Variants in NIPA2 observed in about 807,000 individuals in gnomAD.
NIPA2 encodes the protein magnesium transporter NIPA2.
Under a neutral mutation model 29.7 loss-of-function variants are expected in NIPA2, and 11 were observed. The ratio of observed to expected loss-of-function variants is 0.37; its 90% CI spans 0.23 to 0.61. The LOEUF (loss-of-function observed/expected upper bound fraction) is 0.61. Among genes scored for constraint, NIPA2 ranks in the 20% least tolerant of loss-of-function variants. The pLI is 0.66. For missense variants in NIPA2, 426 were observed against 437.9 expected (o/e 0.97, Z 0.24); for synonymous variants, 183 against 161.9 (o/e 1.13, Z -0.99).
chr15:22,858,664 C>A, intron 6 of NIPA2, 34 bp downstream of exon 6: 2 of 1,303,044 alleles, frequency 1.5e-6, no homozygotes, highest in South Asian at 1.4e-5. Context: ...AAACAGTAGT[C>A]GGTATCTTAG....
chr15:22,864,846 C>T (rs555457278), intron 7 of NIPA2, among the ~76,000 whole-genome samples: 2 of 145,884 alleles, frequency 1.4e-5, no homozygotes, highest in East Asian at 2.3e-4. Flanking sequence ...TTCTGACTTA[C>T]GAAGGATTGT....
At position 22,866,987 on chromosome 15, in the gene NIPA2, A is replaced by AAAT. The variant is rs2141705371; in HGVS notation, c.*141_*143dup. The AAAT allele has an allele frequency of 1.2e-6, 1 of 802,066 alleles. No individual in the cohort carries two copies. The highest frequency in any genetic ancestry group is 1.7e-5 in the African/African-American group (1 of 57,798). 49.7% of individuals were successfully genotyped at this position (802,066 alleles called of 1,614,324 possible). A position where few individuals can be genotyped will look rare whatever the true frequency, so the allele number is the denominator to read the frequency against. The stretch of plus-strand genomic sequence containing the variant: ...AAAGATTTCACTAATTTGGACCAAG[A>AAAT]AATTACTTTTCTTGTATTTAAACAA... On this transcript the variant is annotated 3_prime_UTR_variant, in exon 8 of 8. Coordinates refer to ENST00000337451, the MANE Select transcript of NIPA2 (RefSeq NM_030922.7).
intron 2 of NIPA2, among the ~76,000 whole-genome samples, chr15:22,841,553 G>A (rs1566811656): frequency 6.6e-6 from 1 of 152,084 alleles, no homozygotes. Flanking sequence ...TTGTTGCCCA[G>A]GCTAGAGTGC....
chr15:22,845,600 G>T (rs193080582), intron 3 of NIPA2, among the ~76,000 whole-genome samples: 1 of 152,312 alleles, frequency 6.6e-6, no homozygotes, highest in Non-Finnish European at 1.5e-5. Context: ...GAAAATGCCT[G>T]TGGGCTGGAG....
At chr15:22,857,742 CAGG>C (rs2141374948) in intron 5 of NIPA2, among the ~76,000 whole-genome samples, 1 of 146,252 alleles carries the variant, frequency 6.8e-6, no homozygotes, top group East Asian at 2.1e-4. Context: ...GAGGCCGAGG[CAGG>C]AGAATTGCTT....
rs1383818941 is a variant in NIPA2 at position 22,867,314 on chromosome 15, A to ATGAT, written c.*470_*473dup. 2.0e-5 allele frequency: 8 copies of ATGAT among 397,864 alleles called. No homozygotes were observed. Among genetic ancestry groups the ATGAT allele is most frequent in the South Asian group, 1.3e-4 (1 of 7,836 alleles). The allele number at this position is 397,864 out of a possible 1,614,324, so 24.6% of individuals were successfully genotyped here. A position where few individuals can be genotyped will look rare whatever the true frequency, so the allele number is the denominator to read the frequency against. ...AAAAGTGGCTCCTGTTTGTTTGATG[A>ATGAT]TGATTGGTTTTATTTTTGAAATATT... On this transcript the variant is annotated 3_prime_UTR_variant, in exon 8 of 8. Coordinates refer to ENST00000337451, the MANE Select transcript of NIPA2 (RefSeq NM_030922.7).
At chr15:22,866,113 T>TA (rs2059044710) in intron 7 of NIPA2, 100 bp from the exon 8 acceptor site, 3 of 972,202 alleles carry the variant, frequency 3.1e-6, no homozygotes, top group East Asian at 2.6e-5. Flanking sequence ...TTCCAGGCCA[T>TA]ACCTTTTCTC....
rs1896502526 is a variant in NIPA2, at chr15:22,839,724, A to G, written c.-282A>G. Reference sequence around the variant, plus strand: ...AGGGTGGTATTTACGAGGAAATGAGAGTGAATAAGTCATCTCTAACCTCTC... The same window carrying G: ...AGGGTGGTATTTACGAGGAAATGAGGGTGAATAAGTCATCTCTAACCTCTC... On this transcript the variant is annotated 5_prime_UTR_variant, in exon 2 of 8. Transcript: ENST00000337451. The G allele has an allele frequency of 6.6e-6, 1 of 152,196 alleles. No individual in the cohort carries two copies. The highest frequency in any genetic ancestry group is 2.4e-5 in the African/African-American group (1 of 41,434). 9.4% of individuals were successfully genotyped at this position (152,196 alleles called of 1,614,324 possible).
At chr15:22,847,879 C>T (rs547269327) in intron 3 of NIPA2, among the ~76,000 whole-genome samples, 3 of 152,234 alleles carry the variant, frequency 2.0e-5, no homozygotes, top group Admixed American at 1.3e-4. Flanking sequence ...CTCACCACAA[C>T]CTCTGCCTCC....
chr15:22,860,727 A>G lies in NIPA2; in HGVS notation c.386A>G (p.His129Arg). Residue 129 changes from histidine to arginine, a missense_variant, in exon 7 of 8, where the codon CAT (histidine) becomes CGT (arginine). Around this residue, in one of 3 missense-constraint regions of NIPA2, gnomAD observed 357 missense variants for 339.8 expected, o/e 1.05. Coordinates refer to ENST00000337451, the MANE Select transcript of NIPA2 (RefSeq NM_030922.7). ...CTAGGATCTACAGTTATGGTCATTC[A>G]TGCTCCAAAGGAAGAGGAGATTGAG... is the stretch of plus-strand genomic sequence containing the variant. ...SILGSTVMVI[H>R]APKEEEIETL... 3.1e-6 allele frequency: 5 copies of G among 1,604,928 alleles called. No individual in the cohort carries two copies. Among genetic ancestry groups the G allele is most frequent in the South Asian group, 1.1e-5 (1 of 88,532 alleles).
chr15:22,844,095 G>A (rs1897903256), intron 2 of NIPA2, among the ~76,000 whole-genome samples: 2 of 152,172 alleles, frequency 1.3e-5, no homozygotes, highest in African/African-American at 4.8e-5. Context: ...TTCCTTATTA[G>A]AATACTAGTC....
intron 5 of NIPA2, among the ~76,000 whole-genome samples, chr15:22,855,949 C>T (rs918975787): frequency 6.6e-6 from 1 of 152,152 alleles, no homozygotes; most frequent in Non-Finnish European, 1.5e-5. Context: ...TGAATTAGTG[C>T]AGTTCAAAAC....
At chr15:22,865,144 GCCA>G (rs1008445370) in intron 7 of NIPA2, among the ~76,000 whole-genome samples, 9 of 151,810 alleles carry the variant, frequency 5.9e-5, no homozygotes, top group African/African-American at 2.2e-4. Context: ...ACAGGCGTGA[GCCA>G]CCACACCTGG....
At position 22,866,631 on chromosome 15, in the gene NIPA2, C is replaced by T; in HGVS notation, c.867C>T (p.Ile289=). 2 of 1,614,056 alleles carry T rather than the reference C, an allele frequency of 1.2e-6. No individual in the cohort carries two copies. Among genetic ancestry groups the T allele is most frequent in the Non-Finnish European group, 1.7e-6 (2 of 1,179,958 alleles). ...VIGTLSGFFT[I]IVGIFLLHAF... ...GTACTTTGAGTGGCTTCTTTACAAT[C>T]ATTGTGGGGATATTCTTGTTGCATG... The change falls in exon 8 of 8, where the codon ATC becomes ATT. Residue 289 remains isoleucine (I), a synonymous_variant. Transcript: ENST00000337451.
chr15:22,858,048 T>C (rs555921911), intron 5 of NIPA2, among the ~76,000 whole-genome samples: 8 of 152,288 alleles, frequency 5.3e-5, no homozygotes, highest in South Asian at 2.1e-4. Flanking sequence ...ATGTTTCTAA[T>C]TGACTTGGAC....
Position 22,868,260 on chromosome 15 carries a change from G to A in NIPA2, c.*1413G>A, listed in dbSNP as rs1051288. 0.22 allele frequency: 33,228 copies of A among 152,008 alleles called. 3,884 individuals are homozygous for A. Among genetic ancestry groups the A allele is most frequent in the East Asian group, 0.37 (1,890 of 5,178 alleles). The allele number at this position is 152,008 out of a possible 1,614,324, so 9.4% of individuals were successfully genotyped here. On this transcript the variant is annotated 3_prime_UTR_variant, in exon 8 of 8. Transcript: ENST00000337451. ...CATTTTAATACTACAGATGTACTACGTATCTGTTTATATACTGTACCTACA... is the reference window on the plus strand; with the variant it reads ...CATTTTAATACTACAGATGTACTACATATCTGTTTATATACTGTACCTACA...
intron 2 of NIPA2, among the ~76,000 whole-genome samples, chr15:22,843,977 G>A (rs1027588082): frequency 1.3e-5 from 2 of 152,146 alleles, no homozygotes; most frequent in African/African-American, 4.8e-5. Flanking sequence ...GGTTACAGAT[G>A]TGAGCCGCCG....
rs181491065 is a variant in NIPA2, at chr15:22,852,361, G to T, written c.139+491G>T. On this transcript the variant is annotated intron_variant, in intron 4 of 7. Transcript: ENST00000337451. ...CTGGCCTATAGTCCCAGCTACTCAG[G>T]AGGATGAGGCAGCAGAATCGCTTGA... Among the ~76,000 whole-genome samples the T allele has an allele frequency of 9.9e-5, 15 of 152,066 alleles. No individual in the cohort carries two copies. In the East Asian group the frequency reaches 2.7e-3, roughly 28 times the overall value.
In NIPA2 at chr15:22,867,390, CA is replaced by C. The variant is rs978924981; in HGVS notation, c.*551del. Reference sequence around the variant, plus strand: ...ATGAAGGAACCTCTTTCTTACAAAACAAAAAAAAGGGCAGAAATCACCCCAA... The same window carrying C: ...ATGAAGGAACCTCTTTCTTACAAAACAAAAAAAGGGCAGAAATCACCCCAA... On this transcript the variant is annotated 3_prime_UTR_variant, in exon 8 of 8. Coordinates refer to ENST00000337451, the MANE Select transcript of NIPA2 (RefSeq NM_030922.7). 5.7e-5 allele frequency: 22 copies of C among 386,274 alleles called. No individual in the cohort carries two copies. The highest frequency in any genetic ancestry group is 1.5e-4 in the East Asian group (4 of 27,280). 23.9% of individuals were successfully genotyped at this position (386,274 alleles called of 1,614,324 possible).
Sources: allele counts gnomAD v4.1 joint callset (sites outside exome capture counted in the v4.1 genomes callset), GRCh38; gene constraint gnomAD v4.1.1; regional missense constraint gnomAD v4.1.1; transcripts MANE v1.5; gene names NCBI Gene and HGNC (gene_info 2026-07-23, HGNC 2026-07-21).